The following POFUT3 variants were observed in gnomAD, a reference collection of about 807,000 sequenced individuals.
The protein encoded by POFUT3 is GDP-fucose protein O-fucosyltransferase 3.
chr8:33,375,173 C>T, the POFUT3 span, among the ~76,000 whole-genome samples: 7 of 151,966 alleles, frequency 4.6e-5, no homozygotes, highest in East Asian at 5.8e-4. Context: ...AGTACAGGCA[C>T]GAGCCACCGT....
At chr8:33,320,134 T>C in the POFUT3 span, among the ~76,000 whole-genome samples, 4 of 151,980 alleles carry the variant, frequency 2.6e-5, no homozygotes, top group Admixed American at 1.3e-4. Flanking sequence ...ATCTTATAAA[T>C]GATTTTATGA....
chr8:33,354,138 G>A, the POFUT3 span, among the ~76,000 whole-genome samples: 59 of 152,226 alleles, frequency 3.9e-4, no homozygotes, highest in South Asian at 8.3e-4. Flanking sequence ...GTGTGTTGTT[G>A]GTGTTTCAAA....
the POFUT3 span, among the ~76,000 whole-genome samples, chr8:33,448,277 C>T: frequency 6.6e-6 from 1 of 151,926 alleles, no homozygotes; most frequent in African/African-American, 2.4e-5. Context: ...AGCCTTTTGT[C>T]CTTCAAAAGG....
chr8:33,319,851 C>T, the POFUT3 span, among the ~76,000 whole-genome samples: 1 of 143,178 alleles, frequency 7.0e-6, no homozygotes, highest in Admixed American at 7.9e-5. Context: ...GCTCCTGAGG[C>T]ATAGTCTTTA....
the POFUT3 span, among the ~76,000 whole-genome samples, chr8:33,354,184 A>G: frequency 6.6e-6 from 1 of 152,316 alleles, no homozygotes; most frequent in South Asian, 2.1e-4. Context: ...GAACCACATC[A>G]TATTTGTCAG....
chr8:33,381,835 T>G, the POFUT3 span, among the ~76,000 whole-genome samples: 3 of 152,168 alleles, frequency 2.0e-5, no homozygotes, highest in South Asian at 6.2e-4. Context: ...TTTTAGAGAA[T>G]TTTTCCTTCA....
the POFUT3 span, among the ~76,000 whole-genome samples, chr8:33,367,250 A>G: frequency 6.6e-6 from 1 of 152,216 alleles, no homozygotes; most frequent in Admixed American, 6.5e-5. Flanking sequence ...GATGGCAAGG[A>G]ACACCTGGTC....
At chr8:33,359,482 C>A in the POFUT3 span, among the ~76,000 whole-genome samples, 1 of 152,118 alleles carries the variant, frequency 6.6e-6, no homozygotes, top group Admixed American at 6.5e-5. Flanking sequence ...AAGGGAGCCT[C>A]AGTGCCTTAA....
chr8:33,453,421 C>A, the POFUT3 span: 6 of 1,613,698 alleles, frequency 3.7e-6, no homozygotes, highest in South Asian at 6.6e-5. Flanking sequence ...AATTAAGATG[C>A]GTAGGTGCTT....
At chr8:33,362,156 T>G in the POFUT3 span, among the ~76,000 whole-genome samples, 1 of 152,140 alleles carries the variant, frequency 6.6e-6, no homozygotes, top group Non-Finnish European at 1.5e-5. Flanking sequence ...GAATTTCATA[T>G]CCAGCCAAAC....
the POFUT3 span, among the ~76,000 whole-genome samples, chr8:33,350,473 T>A: frequency 6.6e-6 from 1 of 152,144 alleles, no homozygotes. Context: ...AAGACTAGAT[T>A]GTGGTGAGTT....
the POFUT3 span, among the ~76,000 whole-genome samples, chr8:33,391,652 A>T: frequency 6.6e-6 from 1 of 152,234 alleles, no homozygotes; most frequent in Non-Finnish European, 1.5e-5. Flanking sequence ...ATTGAGTTAG[A>T]ACACAAAGTT....
At chr8:33,394,663 C>T in the POFUT3 span, among the ~76,000 whole-genome samples, 1 of 150,336 alleles carries the variant, frequency 6.7e-6, no homozygotes, top group Non-Finnish European at 1.5e-5. Flanking sequence ...AGGTTTTGCT[C>T]TTAAAAATTA....
the POFUT3 span, among the ~76,000 whole-genome samples, chr8:33,402,109 T>C: frequency 6.6e-6 from 1 of 152,318 alleles, no homozygotes; most frequent in African/African-American, 2.4e-5. Context: ...CACTCAGTAA[T>C]TGCTGATATC....
chr8:33,405,148 C>A, the POFUT3 span, among the ~76,000 whole-genome samples: 36 of 152,084 alleles, frequency 2.4e-4, no homozygotes, highest in South Asian at 7.3e-3. Context: ...GACCAGAAGC[C>A]CTCCTATCAT....
At chr8:33,352,503 C>T in the POFUT3 span, among the ~76,000 whole-genome samples, 2 of 151,290 alleles carry the variant, frequency 1.3e-5, no homozygotes, top group African/African-American at 2.5e-5. Context: ...GCCAAGTATC[C>T]CATTTTTATT....
chr8:33,348,381 C>G, the POFUT3 span, among the ~76,000 whole-genome samples: 2 of 152,058 alleles, frequency 1.3e-5, no homozygotes, highest in Admixed American at 1.3e-4. Flanking sequence ...TTAAAACTCT[C>G]AAAGAGCCAG....
the POFUT3 span, among the ~76,000 whole-genome samples, chr8:33,337,657 GA>G: frequency 3.5e-4 from 54 of 152,196 alleles, 2 homozygotes; most frequent in South Asian, 0.011. Flanking sequence ...GAATGTAAAA[GA>G]GTACTATGAA....
At chr8:33,446,339 C>T in the POFUT3 span, among the ~76,000 whole-genome samples, 1 of 151,926 alleles carries the variant, frequency 6.6e-6, no homozygotes, top group Non-Finnish European at 1.5e-5. Flanking sequence ...CACCTGTAGT[C>T]CCAGCTACTC....
Sources: allele counts gnomAD v4.1 joint callset (sites outside exome capture counted in the v4.1 genomes callset), GRCh38; gene constraint gnomAD v4.1.1; transcripts MANE v1.5; gene names NCBI Gene and HGNC (gene_info 2026-07-23, HGNC 2026-07-21).